SRRM3: variants seen among roughly 807,000 people sequenced by gnomAD.
SRRM3 encodes the protein serine/arginine repetitive matrix protein 3.
In SRRM3, 27 loss-of-function variants were observed where a neutral mutation model predicts 66.2. The ratio of observed to expected loss-of-function variants is 0.41; its 90% CI spans 0.30 to 0.56. The LOEUF is 0.56. Ranked by LOEUF, SRRM3 falls within the 20% of genes least tolerant of loss-of-function variation. The pLI is 0.32. For synonymous variants in SRRM3, 391 were observed against 414.9 expected, an observed-to-expected ratio of 0.94 and a Z score of 0.70; for missense variants, 918 against 991.9, an observed-to-expected ratio of 0.93 and a Z score of 1.00.
intron 11 of SRRM3, among the ~76,000 whole-genome samples, chr7:76,270,300 C>T (rs1802178150): frequency 6.6e-6 from 1 of 152,324 alleles, no homozygotes; most frequent in South Asian, 2.1e-4. Context: ...ACCTCAGACT[C>T]AGATCCTTAG....
chr7:76,252,254 C>G (rs1042400885), intron 3 of SRRM3, among the ~76,000 whole-genome samples: 1 of 152,154 alleles, frequency 6.6e-6, no homozygotes, highest in Non-Finnish European at 1.5e-5. Context: ...GGTCAGCCAG[C>G]GCATTCAAGG....
At chr7:76,274,096 C>T (rs1334499158) in intron 11 of SRRM3, among the ~76,000 whole-genome samples, 2 of 152,268 alleles carry the variant, frequency 1.3e-5, no homozygotes, top group African/African-American at 2.4e-5. Context: ...CCCGGGACTT[C>T]GGTCACCCCG....
chr7:76,222,900 G>A (rs1554603351), intron 1 of SRRM3, among the ~76,000 whole-genome samples: 2 of 152,122 alleles, frequency 1.3e-5, no homozygotes, highest in Non-Finnish European at 2.9e-5. Flanking sequence ...ACAGGATTGA[G>A]CCACCGCGCC....
intron 2 of SRRM3, among the ~76,000 whole-genome samples, chr7:76,243,038 G>A (rs1801349320): frequency 6.6e-6 from 1 of 152,098 alleles, no homozygotes; most frequent in South Asian, 2.1e-4. Context: ...ATTCTTGAGG[G>A]ATCCACCCCC....
At chr7:76,277,716 CAAAAA>C (rs386353056) in intron 11 of SRRM3, among the ~76,000 whole-genome samples, 1,906 of 102,780 alleles carry the variant, frequency 0.019, 60 homozygotes, top group African/African-American at 0.075. Context: ...TAAACAACAA[CAAAAA>C]AAAAAAAAAA....
At chr7:76,226,870 C>A (rs1299427665) in intron 1 of SRRM3, among the ~76,000 whole-genome samples, 5 of 152,196 alleles carry the variant, frequency 3.3e-5, no homozygotes, top group Non-Finnish European at 1.5e-5. Flanking sequence ...AGATTACAGG[C>A]ATAAGCCACC....
chr7:76,238,947 C>A (rs1054657230), intron 2 of SRRM3, among the ~76,000 whole-genome samples: 2 of 152,012 alleles, frequency 1.3e-5, no homozygotes, highest in Non-Finnish European at 2.9e-5. Flanking sequence ...CAGGCATGAG[C>A]CACCATGCCC....
Position 76,281,815 on chromosome 7 carries a change from G to C in SRRM3, c.1370+13G>C. On this transcript the variant is annotated intron_variant, in intron 12 of 14. Transcript: ENST00000611745. ...GACACGGGAAACGGTGAGCGTGCTG[G>C]ACCCGGAGCTGGACTCCCGCCCCCA... The C allele has an allele frequency of 7.4e-7, 1 of 1,352,350 alleles. No homozygotes were observed. Among genetic ancestry groups the C allele is most frequent in the Non-Finnish European group, 9.5e-7 (1 of 1,052,686 alleles). The allele number at this position is 1,352,350 out of a possible 1,614,324, so 83.8% of individuals were successfully genotyped here.
intron 8 of SRRM3, among the ~76,000 whole-genome samples, chr7:76,262,065 A>T (rs1183992033): frequency 6.6e-6 from 1 of 151,294 alleles, no homozygotes; most frequent in Non-Finnish European, 1.5e-5. Flanking sequence ...GCCATCCTCC[A>T]CCCAGGAGGG....
intron 11 of SRRM3, chr7:76,269,464 G>GT (rs1297287994): frequency 1.3e-5 from 2 of 151,940 alleles, no homozygotes; most frequent in East Asian, 3.9e-4. Context: ...TGGGAGAGGG[G>GT]TCCCAGACTT....
At chr7:76,225,453 C>A (rs1800836682) in intron 1 of SRRM3, among the ~76,000 whole-genome samples, 2 of 152,042 alleles carry the variant, frequency 1.3e-5, no homozygotes, top group Non-Finnish European at 2.9e-5. Context: ...CCTAGAGGAA[C>A]GGTGCTGCCC....
intron 1 of SRRM3, among the ~76,000 whole-genome samples, chr7:76,234,653 A>G (rs1022376740): frequency 8.5e-5 from 13 of 152,116 alleles, no homozygotes; most frequent in South Asian, 2.1e-4. Flanking sequence ...AAGGAGAAAT[A>G]TGACTGGGGA....
intron 3 of SRRM3, among the ~76,000 whole-genome samples, chr7:76,250,311 A>T (rs1390066756): frequency 1.7e-4 from 26 of 151,874 alleles, no homozygotes; most frequent in Non-Finnish European, 4.4e-5. Context: ...AGCTCACTGC[A>T]ACCTCTGCCC....
rs1554612592 is a variant in SRRM3 at position 76,285,395 on chromosome 7, C to G, written c.1734-220C>G. The G allele has an allele frequency of 1.7e-6, 1 of 574,368 alleles. No individual in the cohort carries two copies. The highest frequency in any genetic ancestry group is 3.1e-6 in the Non-Finnish European group (1 of 321,970). 35.6% of individuals were successfully genotyped at this position (574,368 alleles called of 1,614,324 possible). On this transcript the variant is annotated intron_variant, in intron 14 of 14. Coordinates refer to ENST00000611745, the MANE Select transcript of SRRM3 (RefSeq NM_001110199.3). The surrounding 1 kb of genome is among the most constrained non-coding windows in gnomAD (Gnocchi z 4.1). ...AGTATTTATTAGCAGGTGTTCGGAT[C>G]GGGCAGAGACATGGTCTCCTTTCCC...
At chr7:76,206,309 G>T (rs1166983706) in intron 1 of SRRM3, among the ~76,000 whole-genome samples, 2 of 152,228 alleles carry the variant, frequency 1.3e-5, no homozygotes, top group African/African-American at 4.8e-5. Context: ...GAGGGGAAGG[G>T]AAGGGAAGGT....
intron 1 of SRRM3, among the ~76,000 whole-genome samples, chr7:76,207,231 C>G (rs2079477): frequency 0.23 from 35,141 of 151,742 alleles, 4,679 homozygotes; most frequent in East Asian, 0.45. Flanking sequence ...GAGTCTAGGA[C>G]TTCAAGGATC....
At chr7:76,278,603 C>CA (rs1335914140) in intron 11 of SRRM3, among the ~76,000 whole-genome samples, 2 of 152,318 alleles carry the variant, frequency 1.3e-5, no homozygotes, top group East Asian at 3.9e-4. Context: ...AGGGGCACCC[C>CA]AAAACCAGGA....
chr7:76,250,938 C>A (rs1298143717), intron 3 of SRRM3, among the ~76,000 whole-genome samples: 2 of 152,210 alleles, frequency 1.3e-5, no homozygotes, highest in African/African-American at 2.4e-5. Flanking sequence ...GCAGGCCTGG[C>A]AGCCTGGCTG....
At chr7:76,247,514 G>A (rs998624267) in intron 2 of SRRM3, among the ~76,000 whole-genome samples, 3 of 152,144 alleles carry the variant, frequency 2.0e-5, no homozygotes, top group African/African-American at 4.8e-5. Context: ...TCTCGAAAGA[G>A]CGACTGCAGT....
Sources: gnomAD v4.1 joint callset for allele counts (sites outside exome capture counted in the v4.1 genomes callset) on GRCh38, gnomAD v4.1.1 for gene constraint, Gnocchi (gnomAD v3.1) non-coding constraint, MANE v1.5 for transcripts, NCBI Gene and HGNC (gene_info 2026-07-23, HGNC 2026-07-21) for gene names.